LDB2: variants seen among roughly 807,000 people sequenced by gnomAD.
The protein encoded by LDB2 is LIM domain binding 2.
In LDB2, 12 loss-of-function variants were observed where a neutral mutation model predicts 44.3. The ratio of observed to expected loss-of-function variants is 0.27; its 90% confidence interval spans 0.17 to 0.44. The LOEUF is 0.44. Ranked by LOEUF, LDB2 falls within the 20% of genes least tolerant of loss-of-function variation. LDB2 has a pLI of 1.00. For missense variants in LDB2, 344 were observed against 473.5 expected (o/e 0.73, Z 2.54); for synonymous variants, 164 against 174.8 (o/e 0.94, Z 0.49).
intron 4 of LDB2, among the ~76,000 whole-genome samples, chr4:16,586,487 TACACACACACACAC>T (rs5856368): frequency 1.6e-4 from 20 of 128,836 alleles, no homozygotes; most frequent in African/African-American, 3.4e-4. Flanking sequence ...TGTCTTGAAA[TACACACACACACAC>T]ACACACACAC....
chr4:16,669,751 G>A (rs750950124), intron 2 of LDB2, among the ~76,000 whole-genome samples: 2 of 152,078 alleles, frequency 1.3e-5, no homozygotes, highest in Non-Finnish European at 2.9e-5. Flanking sequence ...TTAAAACCTG[G>A]GCTTGTCCTG....
chr4:16,654,526 C>T (rs1318131649), intron 2 of LDB2, among the ~76,000 whole-genome samples: 1 of 152,132 alleles, frequency 6.6e-6, no homozygotes, highest in Non-Finnish European at 1.5e-5. Context: ...TAAATGCCAA[C>T]AAAGCATGCC....
intron 1 of LDB2, among the ~76,000 whole-genome samples, chr4:16,860,209 C>T (rs1224822707): frequency 3.9e-5 from 6 of 152,238 alleles, no homozygotes; most frequent in Non-Finnish European, 8.8e-5. Context: ...GTCCCACTGG[C>T]TCTTTTCATA....
At chr4:16,693,202 G>T (rs1751217769) in intron 2 of LDB2, among the ~76,000 whole-genome samples, 1 of 152,088 alleles carries the variant, frequency 6.6e-6, no homozygotes, top group South Asian at 2.1e-4. Context: ...TTATATTTAT[G>T]AATCATGATT....
At chr4:16,648,601 G>C (rs1220971679) in intron 2 of LDB2, among the ~76,000 whole-genome samples, 2 of 152,144 alleles carry the variant, frequency 1.3e-5, no homozygotes, top group African/African-American at 4.8e-5. Context: ...GGCAAACTCT[G>C]TTCTTTTCAC....
intron 1 of LDB2, among the ~76,000 whole-genome samples, chr4:16,810,703 G>A (rs979236167): frequency 8.8e-5 from 3 of 34,028 alleles, no homozygotes; most frequent in Admixed American, 2.6e-4. Flanking sequence ...TTAGAAAGAC[G>A]AACAGTTATC....
chr4:16,875,460 T>TA (rs140271392), intron 1 of LDB2, among the ~76,000 whole-genome samples: 1,987 of 152,182 alleles, frequency 0.013, 21 homozygotes, highest in Middle Eastern at 0.058. Flanking sequence ...TTAAAGCTCA[T>TA]GGAGAAGAAA....
At chr4:16,894,936 A>G (rs562909168) in intron 1 of LDB2, among the ~76,000 whole-genome samples, 2 of 151,046 alleles carry the variant, frequency 1.3e-5, no homozygotes, top group Admixed American at 6.6e-5. Flanking sequence ...TTGATAAAAG[A>G]AAAAAAAACC....
At chr4:16,863,969 C>A (rs1365883569) in intron 1 of LDB2, among the ~76,000 whole-genome samples, 1 of 152,028 alleles carries the variant, frequency 6.6e-6, no homozygotes, top group Non-Finnish European at 1.5e-5. Flanking sequence ...ACATTCTCTT[C>A]TTGCTTGTTG....
chr4:16,662,870 T>C (rs1000074383), intron 2 of LDB2, among the ~76,000 whole-genome samples: 3 of 152,140 alleles, frequency 2.0e-5, no homozygotes, highest in African/African-American at 7.2e-5. Context: ...GGCTTCTTCA[T>C]TGTAATATGA....
At chr4:16,630,448 G>C (rs1306684757) in intron 2 of LDB2, among the ~76,000 whole-genome samples, 1 of 152,094 alleles carries the variant, frequency 6.6e-6, no homozygotes, top group African/African-American at 2.4e-5. Flanking sequence ...CACTAAACAT[G>C]GAAAGAAACA....
intron 2 of LDB2, among the ~76,000 whole-genome samples, chr4:16,741,718 C>T (rs900149498): frequency 1.2e-4 from 18 of 152,346 alleles, no homozygotes; most frequent in African/African-American, 4.1e-4. Flanking sequence ...CTCCCCTCTA[C>T]ACACCCCATG....
chr4:16,888,393 A>G (rs1224199432), intron 1 of LDB2, among the ~76,000 whole-genome samples: 1 of 152,232 alleles, frequency 6.6e-6, no homozygotes, highest in African/African-American at 2.4e-5. Flanking sequence ...CTACTTAACC[A>G]TAGGTATGCC....
chr4:16,791,859 C>A (rs1775832167), intron 1 of LDB2, among the ~76,000 whole-genome samples: 1 of 152,188 alleles, frequency 6.6e-6, no homozygotes. Flanking sequence ...AACTTCTGTA[C>A]ATTCATTTCA....
intron 5 of LDB2, among the ~76,000 whole-genome samples, chr4:16,512,852 T>C (rs952812182): frequency 4.6e-4 from 70 of 152,320 alleles, no homozygotes; most frequent in Non-Finnish European, 5.9e-5. Flanking sequence ...TGACAAAGAT[T>C]AATGAGGAAA....
At chr4:16,724,379 T>A (rs1478197036) in intron 2 of LDB2, among the ~76,000 whole-genome samples, 3 of 151,006 alleles carry the variant, frequency 2.0e-5, no homozygotes, top group African/African-American at 7.3e-5. Flanking sequence ...ATCACCTTAG[T>A]TTGGCAACTA....
chr4:16,566,480 C>G (rs1051873688), intron 5 of LDB2, among the ~76,000 whole-genome samples: 3 of 144,742 alleles, frequency 2.1e-5, no homozygotes, highest in Non-Finnish European at 4.4e-5. Flanking sequence ...AACTGAGTAA[C>G]TAAACAGTTT....
At chr4:16,789,985 T>C (rs1438920283) in intron 1 of LDB2, among the ~76,000 whole-genome samples, 1 of 152,132 alleles carries the variant, frequency 6.6e-6, no homozygotes, top group Non-Finnish European at 1.5e-5. Context: ...TTATCCCCAT[T>C]CTATAGACAA....
At chr4:16,847,678 C>CT (rs1561428027) in intron 1 of LDB2, among the ~76,000 whole-genome samples, 2 of 152,114 alleles carry the variant, frequency 1.3e-5, no homozygotes, top group African/African-American at 4.8e-5. Context: ...ACTGCAGTGG[C>CT]GGATCTCGGC....
Sources: allele counts gnomAD v4.1 joint callset (sites outside exome capture counted in the v4.1 genomes callset), GRCh38; gene constraint gnomAD v4.1.1; transcripts MANE v1.5; gene names NCBI Gene and HGNC (gene_info 2026-07-23, HGNC 2026-07-21).